ATG7: variants seen among roughly 807,000 people sequenced by gnomAD.
The protein encoded by ATG7 is ubiquitin-like modifier-activating enzyme ATG7.
Under a neutral mutation model 82.4 loss-of-function variants are expected in ATG7, and 70 were observed. The observed-to-expected ratio is 0.85, with a 90% CI of 0.70 to 1.04. The LOEUF is 1.04. ATG7 is among the 50% of genes least tolerant of loss of function. ATG7 has a pLI of 0.00. For missense variants in ATG7, 792 were observed against 864.3 expected, an observed-to-expected ratio of 0.92 and a Z score of 1.05; for synonymous variants, 287 against 313.0, an observed-to-expected ratio of 0.92 and a Z score of 0.88.
intron 20 of ATG7, among the ~76,000 whole-genome samples, chr3:11,529,033 G>C (rs1281150691): frequency 6.6e-6 from 1 of 151,928 alleles, no homozygotes; most frequent in African/African-American, 2.4e-5. Context: ...ATTTCAGGTA[G>C]AAGAAATACC....
chr3:11,392,383 C>G (rs1004381486), intron 19 of ATG7, among the ~76,000 whole-genome samples: 3 of 151,826 alleles, frequency 2.0e-5, no homozygotes, highest in Non-Finnish European at 4.4e-5. Flanking sequence ...CCCATATATT[C>G]CCTTGAATAC....
intron 20 of ATG7, among the ~76,000 whole-genome samples, chr3:11,477,808 A>G (rs530046574): frequency 6.6e-6 from 1 of 152,216 alleles, no homozygotes; most frequent in East Asian, 1.9e-4. Context: ...TTCTCTGTCC[A>G]TGTCTCAGCT....
chr3:11,452,236 C>T (rs1239529401), intron 20 of ATG7, among the ~76,000 whole-genome samples: 2 of 151,652 alleles, frequency 1.3e-5, no homozygotes, highest in African/African-American at 4.8e-5. Flanking sequence ...AATACAAAAA[C>T]TAGCTGGGCA....
At chr3:11,463,000 C>T (rs574930829) in intron 20 of ATG7, among the ~76,000 whole-genome samples, 52 of 152,102 alleles carry the variant, frequency 3.4e-4, no homozygotes, top group East Asian at 1.4e-3. Context: ...ATTCTTCCAC[C>T]TCAGCCTCCC....
At chr3:11,558,281 A>G (rs2072622065), downstream of ATG7, 1 of 539,316 alleles carries the variant, frequency 1.9e-6, no homozygotes, top group Non-Finnish European at 3.2e-6. Context: ...GACCTGCATC[A>G]GAGGTTTCTT....
At chr3:11,343,675 G>A (rs375757847) in intron 13 of ATG7, among the ~76,000 whole-genome samples, 10 of 152,002 alleles carry the variant, frequency 6.6e-5, no homozygotes, top group African/African-American at 2.2e-4. Flanking sequence ...CATGATAAGG[G>A]GTAAAGATCT....
intron 20 of ATG7, among the ~76,000 whole-genome samples, chr3:11,525,001 G>T (rs920749154): frequency 1.3e-5 from 2 of 151,870 alleles, no homozygotes; most frequent in African/African-American, 4.8e-5. Flanking sequence ...AAATTTAAGG[G>T]TATTTATTCC....
the ATG7 span, among the ~76,000 whole-genome samples, chr3:11,566,687 C>T: frequency 6.6e-6 from 1 of 152,302 alleles, no homozygotes; most frequent in Middle Eastern, 3.4e-3. Flanking sequence ...CCTCCCTCCT[C>T]CCCGTCCTGC....
intron 9 of ATG7, among the ~76,000 whole-genome samples, chr3:11,329,292 T>C (rs1386408454): frequency 6.6e-6 from 1 of 152,246 alleles, no homozygotes; most frequent in East Asian, 1.9e-4. Context: ...ACTTTGTGGC[T>C]GATACTATAC....
At chr3:11,491,915 G>C (rs2090395997) in intron 20 of ATG7, among the ~76,000 whole-genome samples, 1 of 152,190 alleles carries the variant, frequency 6.6e-6, no homozygotes, top group South Asian at 2.1e-4. Flanking sequence ...CTGTCTTTTT[G>C]TTTGTCTGTG....
At chr3:11,379,869 C>T in intron 18 of ATG7, 103 bp from the exon 19 acceptor site, 1 of 1,123,728 alleles carries the variant, frequency 8.9e-7, no homozygotes, top group Non-Finnish European at 1.3e-6. Context: ...TTCCGGGCCG[C>T]CATATTAATC....
intron 20 of ATG7, among the ~76,000 whole-genome samples, chr3:11,435,928 T>C (rs1385423683): frequency 6.6e-6 from 1 of 152,068 alleles, no homozygotes; most frequent in Non-Finnish European, 1.5e-5. Flanking sequence ...AAGGGTGTGG[T>C]ATCTAGAATA....
chr3:11,431,561 C>G (rs918679731), intron 20 of ATG7, among the ~76,000 whole-genome samples: 1 of 152,306 alleles, frequency 6.6e-6, no homozygotes, highest in East Asian at 1.9e-4. Context: ...CTGTTCCCTC[C>G]TCCTTCCAGC....
chr3:11,505,794 G>A (rs1003741115), intron 20 of ATG7, among the ~76,000 whole-genome samples: 4 of 152,188 alleles, frequency 2.6e-5, no homozygotes, highest in African/African-American at 9.6e-5. Context: ...TAGGCTCCGT[G>A]GCTTAAGTGC....
chr3:11,405,043 T>C (rs528840504), intron 19 of ATG7, among the ~76,000 whole-genome samples: 1 of 152,330 alleles, frequency 6.6e-6, no homozygotes, highest in East Asian at 1.9e-4. Context: ...TTCCAGATTT[T>C]TTAAAGCTTT....
At chr3:11,364,514 G>A in intron 17 of ATG7, 145 bp from the exon 18 acceptor site, 1 of 795,330 alleles carries the variant, frequency 1.3e-6, no homozygotes, top group South Asian at 1.7e-5. Context: ...TTTGTCCCAG[G>A]GAAATTAGTT....
intron 5 of ATG7, among the ~76,000 whole-genome samples, chr3:11,303,073 T>C (rs148505277): frequency 3.4e-4 from 52 of 152,350 alleles, no homozygotes; most frequent in African/African-American, 1.2e-3. Context: ...CTGAGGACTT[T>C]GCATTGTGTG....
At chr3:11,498,489 C>T (rs549419540) in intron 20 of ATG7, among the ~76,000 whole-genome samples, 27 of 152,170 alleles carry the variant, frequency 1.8e-4, no homozygotes, top group Non-Finnish European at 3.4e-4. Flanking sequence ...CCTCTACCTT[C>T]TCATTCCTCC....
intron 20 of ATG7, among the ~76,000 whole-genome samples, chr3:11,449,056 A>T (rs2084854187): frequency 6.6e-6 from 1 of 152,238 alleles, no homozygotes; most frequent in Non-Finnish European, 1.5e-5. Context: ...CATTGAACTT[A>T]CAAATGGGAG....
Sources: gnomAD v4.1 joint callset for allele counts (sites outside exome capture counted in the v4.1 genomes callset) on GRCh38, gnomAD v4.1.1 for gene constraint, MANE v1.5 for transcripts, NCBI Gene and HGNC (gene_info 2026-07-23, HGNC 2026-07-21) for gene names.